Variants in RAPGEF2 observed in about 807,000 individuals in gnomAD.
RAPGEF2 encodes Rap guanine nucleotide exchange factor 2.
A neutral mutation model predicts 186.7 loss-of-function variants in RAPGEF2; 54 were observed. The observed-to-expected ratio is 0.29, with a 90% CI of 0.23 to 0.36. RAPGEF2 has a LOEUF of 0.36. Among genes scored for constraint, RAPGEF2 ranks in the 10% least tolerant of loss-of-function variants. The pLI, the probability that RAPGEF2 is intolerant of heterozygous loss-of-function variation, is 1.00. For missense variants in RAPGEF2, 1,532 were observed against 2,045.0 expected, an observed-to-expected ratio of 0.75 and a Z score of 4.84; for synonymous variants, 712 against 705.9, an observed-to-expected ratio of 1.01 and a Z score of -0.14.
rs34827512 is a variant in RAPGEF2, at chr4:159,195,875, G to GTTTT, written c.197+2645_197+2648dup. ...GATTACAGTGTCTTCAAACATACCTGTTTTTTTTTTTTTTTTTTTTTTTTT... is the reference window on the plus strand; with the variant it reads ...GATTACAGTGTCTTCAAACATACCTGTTTTTTTTTTTTTTTTTTTTTTTTTTTTT... On this transcript the variant is annotated intron_variant, in intron 3 of 29. Transcript: ENST00000691494. Among the ~76,000 whole-genome samples the GTTTT allele has an allele frequency of 3.7e-3, 353 of 94,190 alleles. 21 individuals are homozygous for GTTTT. The highest frequency in any genetic ancestry group is 7.0e-3 in the East Asian group (16 of 2,294). 61.8% of individuals were successfully genotyped at this position (94,190 alleles called of 152,430 possible). A position where few individuals can be genotyped will look rare whatever the true frequency, so the allele number is the denominator to read the frequency against.
chr4:159,313,150 AAAAAAC>A (rs1022125120), intron 8 of RAPGEF2, among the ~76,000 whole-genome samples: 6 of 146,572 alleles, frequency 4.1e-5, no homozygotes, highest in African/African-American at 1.5e-4. Flanking sequence ...TCTGTCTCAA[AAAAAAC>A]AAAAAGAAAG....
intron 5 of RAPGEF2, among the ~76,000 whole-genome samples, chr4:159,240,161 G>T (rs1179050897): frequency 6.6e-6 from 1 of 151,986 alleles, no homozygotes; most frequent in Non-Finnish European, 1.5e-5. Context: ...TTCTCTGGAG[G>T]ATTTTTAGTC....
intron 1 of RAPGEF2, among the ~76,000 whole-genome samples, chr4:159,147,181 G>C (rs1284276039): frequency 2.6e-5 from 4 of 151,864 alleles, no homozygotes; most frequent in Non-Finnish European, 4.4e-5. Flanking sequence ...AAACATTATT[G>C]GATAAAATTA....
At chr4:159,121,045 G>C (rs1739621395) in intron 1 of RAPGEF2, among the ~76,000 whole-genome samples, 1 of 152,072 alleles carries the variant, frequency 6.6e-6, no homozygotes, top group South Asian at 2.1e-4. Context: ...AGTAGAGACA[G>C]AGTTTCACCG....
chr4:159,187,877 C>T (rs1283613553), intron 2 of RAPGEF2, among the ~76,000 whole-genome samples: 2 of 152,130 alleles, frequency 1.3e-5, no homozygotes, highest in African/African-American at 2.4e-5. Flanking sequence ...CCCCTTTACT[C>T]TTTCAACACT....
intron 11 of RAPGEF2, 97 bp from the exon 12 acceptor site, chr4:159,329,761 A>T (rs1212470868): frequency 1.6e-5 from 16 of 995,418 alleles, no homozygotes; most frequent in African/African-American, 3.3e-5. Context: ...GACAGGGAAA[A>T]ATGTCAGTTT....
At chr4:159,313,786 A>G (rs973296487) in intron 8 of RAPGEF2, among the ~76,000 whole-genome samples, 2 of 152,206 alleles carry the variant, frequency 1.3e-5, no homozygotes, top group Non-Finnish European at 2.9e-5. Flanking sequence ...GTCTAGGTAT[A>G]TAATGTCAAA....
chr4:159,224,141 C>T (rs543312757), intron 4 of RAPGEF2, among the ~76,000 whole-genome samples: 4 of 152,266 alleles, frequency 2.6e-5, no homozygotes, highest in African/African-American at 4.8e-5. Flanking sequence ...TGAAGTGGTC[C>T]GCCTGCCTTG....
Position 159,139,875 on chromosome 4 carries a change from TA to T in RAPGEF2, c.69+35645del, listed in dbSNP as rs1455137357. Among the ~76,000 whole-genome samples, 6 of 152,284 alleles carry T rather than the reference TA, an allele frequency of 3.9e-5. No individual in the cohort carries two copies. The South Asian group carries it at 8.3e-4, about 21-fold the overall frequency. On this transcript the variant is annotated intron_variant, in intron 1 of 29. Coordinates refer to ENST00000691494, the MANE Select transcript of RAPGEF2 (RefSeq NM_001394067.2). ...CTTCAGGTTTTTAGTTTTGTCCTAT[TA>T]GGGGTGGAGTCATGGAACAGGAAGA...
intron 4 of RAPGEF2, among the ~76,000 whole-genome samples, chr4:159,237,580 A>G (rs1753417332): frequency 6.6e-6 from 1 of 152,144 alleles, no homozygotes; most frequent in African/African-American, 2.4e-5. Flanking sequence ...AGGATTATAA[A>G]TAGAACAAGA....
At chr4:159,207,104 A>G (rs985140005) in intron 3 of RAPGEF2, among the ~76,000 whole-genome samples, 3 of 152,248 alleles carry the variant, frequency 2.0e-5, no homozygotes, top group African/African-American at 7.2e-5. Context: ...GCAAATGCCT[A>G]CTAAAGCAAA....
At chr4:159,347,941 C>G (rs1580049135) in intron 25 of RAPGEF2, among the ~76,000 whole-genome samples, 1 of 152,092 alleles carries the variant, frequency 6.6e-6, no homozygotes, top group African/African-American at 2.4e-5. Flanking sequence ...GGATAGTAGG[C>G]TGGGTGCAGT....
intron 3 of RAPGEF2, among the ~76,000 whole-genome samples, chr4:159,200,846 C>T (rs943684796): frequency 1.3e-5 from 2 of 151,968 alleles, no homozygotes; most frequent in Admixed American, 1.3e-4. Context: ...AAAAATTACC[C>T]TCTACTTTAA....
At position 159,346,800 on chromosome 4, in the gene RAPGEF2, C is replaced by T; in HGVS notation, c.3514C>T (p.Pro1172Ser). ...CAAACAATTATCAGTGCCTAAGAAT[C>T]CTGGTGACAAAAAGCCTGTCAAATC... ...EPATNTLPKN[P>S]GDKKPVKSET... The change falls in exon 25 of 30, where the codon CCT (proline) becomes TCT (serine). Residue 1172 changes from proline (P) to serine (S), a missense_variant. Coordinates refer to ENST00000691494, the MANE Select transcript of RAPGEF2 (RefSeq NM_001394067.2). 6.2e-7 allele frequency: 1 copy of T among 1,614,016 alleles called. No homozygotes were observed. Among genetic ancestry groups the T allele is most frequent in the Admixed American group, 1.7e-5 (1 of 60,000 alleles).
intron 17 of RAPGEF2, among the ~76,000 whole-genome samples, chr4:159,334,472 C>A (rs1025388201): frequency 6.6e-6 from 1 of 152,102 alleles, no homozygotes; most frequent in East Asian, 1.9e-4. Flanking sequence ...TGGTCTCGAT[C>A]TCCTGTCCTC....
At chr4:159,215,398 AAACTCCTGACCTC>A (rs1164081239) in intron 4 of RAPGEF2, among the ~76,000 whole-genome samples, 5 of 138,550 alleles carry the variant, frequency 3.6e-5, no homozygotes, top group African/African-American at 1.4e-4. Flanking sequence ...GGCTGGTCTC[AAACTCCTGACCTC>A]AAGTGATCCT....
At chr4:159,130,857 G>A (rs1740970466) in intron 1 of RAPGEF2, among the ~76,000 whole-genome samples, 2 of 151,744 alleles carry the variant, frequency 1.3e-5, no homozygotes, top group South Asian at 4.2e-4. Flanking sequence ...CCATAGGCGG[G>A]CACCACCACG....
chr4:159,160,175 G>A (rs956585878), intron 1 of RAPGEF2, among the ~76,000 whole-genome samples: 1 of 152,154 alleles, frequency 6.6e-6, no homozygotes, highest in Non-Finnish European at 1.5e-5. Context: ...ATTTAAAATT[G>A]TAGTTATTTT....
chr4:159,107,915 ACT>A (rs376313322), intron 1 of RAPGEF2, among the ~76,000 whole-genome samples: 211 of 152,188 alleles, frequency 1.4e-3, no homozygotes, highest in African/African-American at 4.7e-3. Context: ...GTCAGCTTAT[ACT>A]CTCATTATAT....
Sources: allele counts gnomAD v4.1 joint callset (sites outside exome capture counted in the v4.1 genomes callset), GRCh38; gene constraint gnomAD v4.1.1; transcripts MANE v1.5; gene names NCBI Gene and HGNC (gene_info 2026-07-23, HGNC 2026-07-21).